Variants in ODF2 observed in about 807,000 individuals in gnomAD.
ODF2 encodes the protein outer dense fiber of sperm tails 2, also known as outer dense fiber protein 2.
A neutral mutation model predicts 110.2 loss-of-function variants in ODF2; 47 were observed. The ratio of observed to expected loss-of-function variants is 0.43; its 90% CI spans 0.34 to 0.54. The LOEUF (loss-of-function observed/expected upper bound fraction) is 0.54, where lower values mean the gene tolerates loss of function less well. ODF2 is among the 20% of genes least tolerant of loss of function. The probability of loss-of-function intolerance (pLI) is 0.03; values close to 1 mark genes in which losing one functional copy is unlikely to be tolerated. For missense variants in ODF2, 812 were observed against 1,054.5 expected (o/e 0.77, Z 3.19); for synonymous variants, 352 against 397.7 (o/e 0.89, Z 1.37).
chr9:128,472,877 C>A (rs975782610), intron 6 of ODF2, 36 bp from the exon 7 acceptor site: 1 of 1,612,674 alleles, frequency 6.2e-7, no homozygotes, highest in Admixed American at 1.7e-5. Context: ...ATGCGGGGGC[C>A]TGGGAGGGCT....
chr9:128,455,553 C>CA (rs55634490), upstream of ODF2, among the ~76,000 whole-genome samples: 1 of 56,846 alleles, frequency 1.8e-5, no homozygotes, highest in Non-Finnish European at 3.1e-5. Flanking sequence ...GAATCTGTCT[C>CA]AAAAAAAAAA....
chr9:128,487,284 T>G (rs545159941), intron 13 of ODF2, among the ~76,000 whole-genome samples: 2 of 152,250 alleles, frequency 1.3e-5, no homozygotes, highest in African/African-American at 4.8e-5. Flanking sequence ...ATTGTTGAAT[T>G]GTAGATGGTT....
At chr9:128,473,155 T>C in intron 7 of ODF2, 113 bp downstream of exon 7, 1 of 1,519,064 alleles carries the variant, frequency 6.6e-7, no homozygotes, top group Non-Finnish European at 8.8e-7. Context: ...ATCTTCAGGC[T>C]GGGGGAGAGC....
intron 16 of ODF2, among the ~76,000 whole-genome samples, chr9:128,493,742 G>A (rs1333566613): frequency 6.6e-6 from 1 of 152,116 alleles, no homozygotes; most frequent in Non-Finnish European, 1.5e-5. Flanking sequence ...CTTTCCCTCT[G>A]ACCTGTAGCA....
chr9:128,471,422 T>C, exon 6 of ODF2: 1 of 1,613,434 alleles, frequency 6.2e-7, no homozygotes. Context: ...GAACACGGTG[T>C]TGAGGCACAA....
intron 7 of ODF2, 148 bp from the exon 8 acceptor site, chr9:128,473,462 C>T: frequency 7.5e-7 from 1 of 1,333,500 alleles, no homozygotes; most frequent in South Asian, 1.5e-5. Flanking sequence ...CCACCGCTTC[C>T]AGGAAACCTG....
intron 14 of ODF2, among the ~76,000 whole-genome samples, chr9:128,489,932 C>T (rs1473068264): frequency 1.3e-5 from 2 of 152,184 alleles, no homozygotes; most frequent in Non-Finnish European, 2.9e-5. Context: ...CTTGGCAACG[C>T]TTGGTAGCTT....
intron 3 of ODF2, chr9:128,460,238 G>T: frequency 7.5e-7 from 1 of 1,329,838 alleles, no homozygotes; most frequent in Non-Finnish European, 9.8e-7. Context: ...ATTCCAGCAG[G>T]TTTAGAGGAG....
At position 128,473,591 on chromosome 9, in the gene ODF2, C is replaced by T; in HGVS notation, c.712-19C>T. 1 of 1,612,660 alleles carries T rather than the reference C, an allele frequency of 6.2e-7. No homozygotes were observed. The highest frequency in any genetic ancestry group is 8.5e-7 in the Non-Finnish European group (1 of 1,179,364). On this transcript the variant is annotated intron_variant, in intron 7 of 20. Transcript: ENST00000604420. ...CCCTTCTCCCCCTGCATCTGTAAGA[C>T]TGGCTACTTGTCTTCCAGGAGAAAC...
chr9:128,498,959 G>A (rs1353402552), intron 19 of ODF2, 42 bp from the exon 20 acceptor site: 1 of 1,610,790 alleles, frequency 6.2e-7, no homozygotes, highest in Non-Finnish European at 8.5e-7. Flanking sequence ...TGTTCCCCAT[G>A]TCCGGTAAAC....
chr9:128,489,616 A>G (rs1844129389), intron 14 of ODF2, among the ~76,000 whole-genome samples: 1 of 152,188 alleles, frequency 6.6e-6, no homozygotes, highest in African/African-American at 2.4e-5. Context: ...TGAACACACC[A>G]CAGTATATTT....
intron 1 of ODF2, chr9:128,456,629 C>T (rs1834871023): frequency 1.3e-6 from 2 of 1,501,626 alleles, no homozygotes; most frequent in Admixed American, 2.1e-5. Context: ...CGCTCTGCTG[C>T]CCGTCGGCGG....
intron 8 of ODF2, among the ~76,000 whole-genome samples, chr9:128,473,963 T>G (rs1256292971): frequency 6.6e-6 from 1 of 152,028 alleles, no homozygotes; most frequent in East Asian, 1.9e-4. Context: ...ACCTTGAAAG[T>G]CAGGAGAGGG....
exon 6 of ODF2, chr9:128,471,420 T>C: frequency 6.2e-7 from 1 of 1,613,376 alleles, no homozygotes; most frequent in Non-Finnish European, 8.5e-7. Flanking sequence ...GAGAACACGG[T>C]GTTGAGGCAC....
chr9:128,466,466 CA>C (rs11326501), intron 4 of ODF2, among the ~76,000 whole-genome samples: 133,118 of 138,328 alleles, frequency 0.96, 64,013 homozygotes, highest in East Asian at 0.99. Context: ...GACCCCATCT[CA>C]AAAAAAAAAA....
intron 6 of ODF2, among the ~76,000 whole-genome samples, chr9:128,472,509 T>G (rs558110637): frequency 3.0e-4 from 45 of 152,278 alleles, no homozygotes; most frequent in African/African-American, 1.1e-3. Flanking sequence ...GTATCCAGCC[T>G]ACAGCCATGG....
Position 128,494,902 on chromosome 9 carries a change from C to T in ODF2, c.1911+234C>T. 3 of 1,386,934 alleles carry T rather than the reference C, an allele frequency of 2.2e-6. No homozygotes were observed. The Admixed American group carries it at 7.9e-5, about 36-fold the overall frequency. The allele number at this position is 1,386,934 out of a possible 1,614,324, so 85.9% of individuals were successfully genotyped here. A position where few individuals can be genotyped will look rare whatever the true frequency, so the allele number is the denominator to read the frequency against. ...GTCACTTGCGTGGAGTCACTGGGCCCTCCTGCTGTTGCCCCCACCCAAGAC... is the reference window on the plus strand; with the variant it reads ...GTCACTTGCGTGGAGTCACTGGGCCTTCCTGCTGTTGCCCCCACCCAAGAC... On this transcript the variant is annotated intron_variant, in intron 17 of 20. Transcript: ENST00000604420. This position sits in a 1 kb window ranked among gnomAD's most constrained non-coding sequence, Gnocchi z 4.6.
intron 8 of ODF2, among the ~76,000 whole-genome samples, chr9:128,478,059 C>A (rs1841687542): frequency 6.6e-6 from 1 of 152,078 alleles, no homozygotes; most frequent in Non-Finnish European, 1.5e-5. Context: ...TGAAGTGGCA[C>A]AATCTCAGCT....
exon 18 of ODF2, chr9:128,496,134 C>A: frequency 5.0e-6 from 8 of 1,613,912 alleles, no homozygotes; most frequent in Non-Finnish European, 6.8e-6. Context: ...GGTGGATGAA[C>A]TGGAGAGGTT....
Sources: gnomAD v4.1 joint callset for allele counts (sites outside exome capture counted in the v4.1 genomes callset) on GRCh38, gnomAD v4.1.1 for gene constraint, Gnocchi (gnomAD v3.1) non-coding constraint, MANE v1.5 for transcripts, NCBI Gene and HGNC (gene_info 2026-07-23, HGNC 2026-07-21) for gene names.